The following SGCD variants were observed in gnomAD, a reference collection of about 807,000 sequenced individuals.
SGCD encodes delta-sarcoglycan.
A neutral mutation model predicts 36.6 loss-of-function variants in SGCD; 18 were observed. The observed-to-expected ratio is 0.49, with a 90% confidence interval of 0.34 to 0.73. The LOEUF (loss-of-function observed/expected upper bound fraction) is 0.73, where lower values mean the gene tolerates loss of function less well. Ranked by LOEUF, SGCD falls within the 30% of genes least tolerant of loss-of-function variation. The probability of loss-of-function intolerance (pLI) is 0.01; values close to 1 mark genes in which losing one functional copy is unlikely to be tolerated. For missense variants in SGCD, 387 were observed against 346.7 expected, an observed-to-expected ratio of 1.12 and a Z score of -0.92; for synonymous variants, 133 against 130.6, an observed-to-expected ratio of 1.02 and a Z score of -0.12.
rs138662113 is a variant in SGCD at position 156,649,435 on chromosome 5, A to C, written c.575+1899A>C. ...ACATATATTTATTGCAGCACTATTCATAATAGCAAAGACTTGGAACCAAGC... is the reference window on the plus strand; with the variant it reads ...ACATATATTTATTGCAGCACTATTCCTAATAGCAAAGACTTGGAACCAAGC... On this transcript the variant is annotated intron_variant, in intron 7 of 8. Coordinates refer to ENST00000337851, the MANE Select transcript of SGCD (RefSeq NM_000337.6). Among the ~76,000 whole-genome samples the C allele has an allele frequency of 5.3e-3, 810 of 152,328 alleles. 3 individuals carry two copies. The highest frequency in any genetic ancestry group is 8.5e-3 in the Non-Finnish European group (575 of 68,038).
the SGCD span, among the ~76,000 whole-genome samples, chr5:155,731,948 A>G: frequency 6.6e-6 from 1 of 151,840 alleles, no homozygotes; most frequent in Non-Finnish European, 1.5e-5. Flanking sequence ...ACTCTTTAAC[A>G]CCTCTCTCTC....
At chr5:155,843,792 G>A in the SGCD span, among the ~76,000 whole-genome samples, 3 of 152,178 alleles carry the variant, frequency 2.0e-5, no homozygotes, top group African/African-American at 7.2e-5. Flanking sequence ...TCAAGGCTGG[G>A]CCTGCACCTT....
chr5:156,443,263 G>T (rs1276236660), intron 3 of SGCD, among the ~76,000 whole-genome samples: 1 of 152,178 alleles, frequency 6.6e-6, no homozygotes, highest in Non-Finnish European at 1.5e-5. Context: ...GGGATTACAG[G>T]TGTGAGTCAC....
intron 3 of SGCD, among the ~76,000 whole-genome samples, chr5:156,263,358 T>G (rs1163566618): frequency 3.3e-5 from 5 of 152,226 alleles, no homozygotes; most frequent in African/African-American, 4.8e-5. Context: ...TTAGTGATAT[T>G]GAGCATTTTT....
intron 3 of SGCD, among the ~76,000 whole-genome samples, chr5:156,452,083 T>G (rs1754046612): frequency 6.6e-6 from 1 of 152,158 alleles, no homozygotes; most frequent in Non-Finnish European, 1.5e-5. Context: ...GCAGTCTTAC[T>G]CTTGAGCCTG....
At chr5:156,071,850 C>G (rs552285671) in intron 1 of SGCD, among the ~76,000 whole-genome samples, 4 of 152,288 alleles carry the variant, frequency 2.6e-5, no homozygotes, top group Admixed American at 1.3e-4. Context: ...ATAGTTAGCT[C>G]TTCTTGTTGA....
intron 1 of SGCD, among the ~76,000 whole-genome samples, chr5:156,078,843 C>T (rs1029116288): frequency 2.0e-5 from 3 of 150,352 alleles, no homozygotes; most frequent in African/African-American, 7.3e-5. Context: ...TTTACTTACA[C>T]TTATTTGTGT....
At chr5:156,393,897 C>A (rs2127757136) in intron 3 of SGCD, 9 of 448,814 alleles carry the variant, frequency 2.0e-5, no homozygotes, top group South Asian at 1.2e-4. Context: ...TGCCACTTAA[C>A]AAATGTTGGT....
chr5:156,308,134 A>G (rs1767280787), intron 3 of SGCD, among the ~76,000 whole-genome samples: 1 of 152,182 alleles, frequency 6.6e-6, no homozygotes, highest in Non-Finnish European at 1.5e-5. Flanking sequence ...ATAAAGAACT[A>G]CTTGAGACTG....
chr5:155,736,324 G>T, the SGCD span, among the ~76,000 whole-genome samples: 1 of 152,146 alleles, frequency 6.6e-6, no homozygotes, highest in East Asian at 1.9e-4. Context: ...ACAAGACTCT[G>T]ATTATTCAAG....
At chr5:156,296,834 A>G (rs1041142235) in intron 3 of SGCD, among the ~76,000 whole-genome samples, 1 of 152,162 alleles carries the variant, frequency 6.6e-6, no homozygotes, top group African/African-American at 2.4e-5. Flanking sequence ...GGTTCTGTCC[A>G]TTACTGAAGT....
chr5:156,077,813 C>T (rs981901045), intron 1 of SGCD, among the ~76,000 whole-genome samples: 2 of 152,088 alleles, frequency 1.3e-5, no homozygotes, highest in African/African-American at 2.4e-5. Flanking sequence ...CCGGCAAGGT[C>T]GGTTTCTGCT....
At chr5:156,358,604 C>T (rs1769610865) in intron 3 of SGCD, among the ~76,000 whole-genome samples, 1 of 152,142 alleles carries the variant, frequency 6.6e-6, no homozygotes, top group African/African-American at 2.4e-5. Context: ...GCCGTTCCTC[C>T]CTCATGGAGC....
intron 1 of SGCD, among the ~76,000 whole-genome samples, chr5:155,987,814 C>T (rs1382935525): frequency 6.6e-6 from 1 of 152,114 alleles, no homozygotes; most frequent in African/African-American, 2.4e-5. Context: ...TCCAGATGGC[C>T]TTCTGTGGTT....
At chr5:155,833,961 G>A in the SGCD span, among the ~76,000 whole-genome samples, 3 of 152,224 alleles carry the variant, frequency 2.0e-5, no homozygotes, top group African/African-American at 7.2e-5. Flanking sequence ...CTGAGTTGTG[G>A]AAGGACATCA....
At chr5:156,027,757 C>A (rs1581049900) in intron 1 of SGCD, among the ~76,000 whole-genome samples, 1 of 152,092 alleles carries the variant, frequency 6.6e-6, no homozygotes, top group Admixed American at 6.6e-5. Context: ...GGAAATAATT[C>A]TACTGCTACT....
the SGCD span, among the ~76,000 whole-genome samples, chr5:155,802,072 C>T: frequency 3.3e-5 from 5 of 152,258 alleles, no homozygotes; most frequent in East Asian, 1.9e-4. Flanking sequence ...CAAAAGTGGA[C>T]GCCTGACCCA....
chr5:155,883,125 T>C (rs527679513), intron 1 of SGCD, among the ~76,000 whole-genome samples: 10 of 152,316 alleles, frequency 6.6e-5, no homozygotes, highest in Admixed American at 2.6e-4. Flanking sequence ...CTCTCTCAGC[T>C]CGCAAAGAAT....
chr5:156,096,545 G>C (rs190162443), intron 1 of SGCD, among the ~76,000 whole-genome samples: 15 of 152,244 alleles, frequency 9.9e-5, no homozygotes, highest in African/African-American at 3.4e-4. Flanking sequence ...TGGTGAATGG[G>C]CTGACACAAT....
Sources: gnomAD v4.1 joint callset for allele counts (sites outside exome capture counted in the v4.1 genomes callset) on GRCh38, gnomAD v4.1.1 for gene constraint, MANE v1.5 for transcripts, NCBI Gene and HGNC (gene_info 2026-07-23, HGNC 2026-07-21) for gene names.